LHFPL3: variants seen among roughly 807,000 people sequenced by gnomAD.
The protein encoded by LHFPL3 is LHFPL tetraspan subfamily member 3, also known as LHFPL tetraspan subfamily member 3 protein.
A neutral mutation model predicts 19.3 loss-of-function variants in LHFPL3; 5 were observed. The observed-to-expected ratio is 0.26, with a 90% CI of 0.14 to 0.54. The LOEUF (loss-of-function observed/expected upper bound fraction) is 0.54, where lower values mean the gene tolerates loss of function less well. Among genes scored for constraint, LHFPL3 ranks in the 20% least tolerant of loss-of-function variants. LHFPL3 has a pLI of 0.94. For missense variants in LHFPL3, 249 were observed against 307.4 expected, an observed-to-expected ratio of 0.81 and a Z score of 1.42; for synonymous variants, 133 against 126.2, an observed-to-expected ratio of 1.05 and a Z score of -0.36.
At position 104,332,304 on chromosome 7, in the gene LHFPL3, A is replaced by G. The variant is rs1447744125; in HGVS notation, c.445+3080A>G. Among the ~76,000 whole-genome samples the G allele has an allele frequency of 2.3e-5, 3 of 132,874 alleles. No individual in the cohort carries two copies. The East Asian group carries it at 6.8e-4, about 30-fold the overall frequency. The allele number at this position is 132,874 out of a possible 152,430, so 87.2% of individuals were successfully genotyped here. On this transcript the variant is annotated intron_variant, in intron 1 of 2. Coordinates refer to ENST00000424859, the MANE Select transcript of LHFPL3 (RefSeq NM_199000.3). The stretch of plus-strand genomic sequence containing the variant: ...GAGTGCAGTGGTGTGATCTCGGCTC[A>G]CTGAAACCTCTACCTCCTGAGTTCA...
chr7:104,864,538 T>C (rs909267644), intron 2 of LHFPL3, among the ~76,000 whole-genome samples: 4 of 152,042 alleles, frequency 2.6e-5, no homozygotes, highest in African/African-American at 9.7e-5. Context: ...CAGTCTGAGA[T>C]CAAATTGCAA....
chr7:104,437,627 C>CATTT (rs1792136608), intron 1 of LHFPL3, among the ~76,000 whole-genome samples: 1 of 152,204 alleles, frequency 6.6e-6, no homozygotes, highest in South Asian at 2.1e-4. Context: ...CCAGTTTGAT[C>CATTT]ATTTGCTAGA....
chr7:104,329,268 G>C (rs751831424), intron 1 of LHFPL3, 44 bp downstream of exon 1: 3 of 1,544,520 alleles, frequency 1.9e-6, no homozygotes, highest in Non-Finnish European at 2.6e-6. Flanking sequence ...ACCCCGGGGC[G>C]CCCGAGCCGG....
rs151309810 is a variant in LHFPL3 at position 104,767,701 on chromosome 7, G to A, written c.682+30790G>A. ...AGGGAGAAATTTTATTGAAAAAGAC[G>A]TGGAAGTTAGATAGATTAATCAAAG... On this transcript the variant is annotated intron_variant, in intron 2 of 2. Transcript: ENST00000424859. Among the ~76,000 whole-genome samples the A allele has an allele frequency of 1.4e-3, 218 of 152,246 alleles. 1 individual carries two copies. The highest frequency in any genetic ancestry group is 4.2e-3 in the East Asian group (22 of 5,192).
chr7:104,334,101 G>C (rs1362239593), intron 1 of LHFPL3, among the ~76,000 whole-genome samples: 1 of 152,156 alleles, frequency 6.6e-6, no homozygotes, highest in Non-Finnish European at 1.5e-5. Flanking sequence ...TATGGTTGCT[G>C]TTGTTGTCTT....
chr7:104,644,570 C>T (rs1791896220), intron 1 of LHFPL3, among the ~76,000 whole-genome samples: 2 of 152,152 alleles, frequency 1.3e-5, no homozygotes, highest in African/African-American at 4.8e-5. Context: ...AAGTGCCAAG[C>T]TGAGCACTTT....
intron 2 of LHFPL3, among the ~76,000 whole-genome samples, chr7:104,869,310 G>C (rs1308993912): frequency 6.6e-6 from 1 of 152,190 alleles, no homozygotes; most frequent in Non-Finnish European, 1.5e-5. Flanking sequence ...GGAACCTACA[G>C]AATGGGAGAA....
intron 2 of LHFPL3, among the ~76,000 whole-genome samples, chr7:104,884,265 T>C (rs912887584): frequency 6.6e-5 from 10 of 152,198 alleles, no homozygotes; most frequent in Admixed American, 5.2e-4. Context: ...CTCTTCCCCC[T>C]TCCTCTTTCC....
chr7:104,353,240 T>C (rs1465529020), intron 1 of LHFPL3, among the ~76,000 whole-genome samples: 1 of 152,198 alleles, frequency 6.6e-6, no homozygotes, highest in Non-Finnish European at 1.5e-5. Context: ...TTTTTAATGT[T>C]GGGAAAATTC....
intron 2 of LHFPL3, chr7:104,826,503 A>T (rs924070139): frequency 6.1e-6 from 1 of 162,982 alleles, no homozygotes; most frequent in Non-Finnish European, 1.5e-5. Context: ...AGCACCATGG[A>T]TTCTGAAAGT....
At chr7:104,891,442 A>T (rs141196421) in intron 2 of LHFPL3, among the ~76,000 whole-genome samples, 1 of 152,210 alleles carries the variant, frequency 6.6e-6, no homozygotes, top group Non-Finnish European at 1.5e-5. Context: ...TCATCCCTTT[A>T]TTGGGACCCC....
intron 1 of LHFPL3, among the ~76,000 whole-genome samples, chr7:104,609,842 G>T (rs146558647): frequency 8.5e-5 from 13 of 152,290 alleles, no homozygotes; most frequent in African/African-American, 3.1e-4. Context: ...GGGAAGACAT[G>T]GTATTGCATT....
intron 2 of LHFPL3, among the ~76,000 whole-genome samples, chr7:104,828,341 T>C (rs1245862978): frequency 6.6e-6 from 1 of 151,916 alleles, no homozygotes; most frequent in Non-Finnish European, 1.5e-5. Flanking sequence ...AGGAGGATAC[T>C]ACCTGCCCAC....
intron 1 of LHFPL3, among the ~76,000 whole-genome samples, chr7:104,456,597 C>T (rs1792545335): frequency 1.3e-5 from 2 of 152,148 alleles, no homozygotes; most frequent in Admixed American, 6.5e-5. Context: ...TTTTTCTTTC[C>T]TTATTAAGTG....
intron 1 of LHFPL3, among the ~76,000 whole-genome samples, chr7:104,504,454 G>A (rs554022643): frequency 7.2e-5 from 11 of 152,186 alleles, no homozygotes; most frequent in African/African-American, 2.4e-4. Flanking sequence ...TTTCCCTTAT[G>A]ACATTAAATT....
chr7:104,766,665 TA>T (rs930764328), intron 2 of LHFPL3, among the ~76,000 whole-genome samples: 1 of 152,190 alleles, frequency 6.6e-6, no homozygotes, highest in Non-Finnish European at 1.5e-5. Flanking sequence ...ACCATACTTC[TA>T]ATCTTGTGCA....
At chr7:104,394,991 G>T (rs370568156) in intron 1 of LHFPL3, among the ~76,000 whole-genome samples, 1 of 151,792 alleles carries the variant, frequency 6.6e-6, no homozygotes, top group South Asian at 2.1e-4. Flanking sequence ...GAGCCAGCAC[G>T]CCAGGCTGCT....
At chr7:104,775,367 G>A (rs1182317934) in intron 2 of LHFPL3, among the ~76,000 whole-genome samples, 1 of 152,196 alleles carries the variant, frequency 6.6e-6, no homozygotes, top group Non-Finnish European at 1.5e-5. Context: ...CTGCACTCTA[G>A]CCTGGGCAAC....
At chr7:104,379,069 T>G (rs577917143) in intron 1 of LHFPL3, among the ~76,000 whole-genome samples, 48 of 152,290 alleles carry the variant, frequency 3.2e-4, no homozygotes, top group South Asian at 2.9e-3. Context: ...TCATATAAGG[T>G]GAGAGTTCTG....
Sources: gnomAD v4.1 joint callset for allele counts (sites outside exome capture counted in the v4.1 genomes callset) on GRCh38, gnomAD v4.1.1 for gene constraint, MANE v1.5 for transcripts, NCBI Gene and HGNC (gene_info 2026-07-23, HGNC 2026-07-21) for gene names.